Variants in MGST1 observed in about 807,000 individuals in gnomAD.
MGST1 encodes the protein microsomal glutathione S-transferase 1, also known as glutathione S-transferase 12.
Under a neutral mutation model 8.9 loss-of-function variants are expected in MGST1, and 5 were observed. That is an observed-to-expected ratio of 0.56 (90% confidence interval 0.29 to 1.19). The LOEUF is 1.19. Among genes scored for constraint, MGST1 ranks in the 50% most tolerant of loss-of-function variants. MGST1 has a pLI of 0.08. For missense variants in MGST1, 182 were observed against 187.4 expected (o/e 0.97, Z 0.17); for synonymous variants, 54 against 67.8 (o/e 0.80, Z 1.00).
intron 4 of MGST1, among the ~76,000 whole-genome samples, chr12:16,481,812 G>T (rs1941366132): frequency 6.6e-6 from 1 of 151,926 alleles, no homozygotes. Context: ...GAATACAGGG[G>T]GGTATGGGGG....
At chr12:16,481,167 ATTAATAATAACATCTCTGTCC>A (rs1941362110) in intron 4 of MGST1, among the ~76,000 whole-genome samples, 1 of 152,194 alleles carries the variant, frequency 6.6e-6, no homozygotes. Context: ...CTTACTGAGA[ATTAATAATAACATCTCTGTCC>A]TTAAATGTGT....
At chr12:16,498,777 C>T (rs1565465092) in intron 4 of MGST1, among the ~76,000 whole-genome samples, 1 of 152,168 alleles carries the variant, frequency 6.6e-6, no homozygotes, top group East Asian at 1.9e-4. Context: ...GTAGCTCATG[C>T]ACCAACTAAG....
At chr12:16,414,052 T>G (rs1188659898) in intron 1 of MGST1, among the ~76,000 whole-genome samples, 1 of 142,742 alleles carries the variant, frequency 7.0e-6, no homozygotes, top group Non-Finnish European at 1.6e-5. Context: ...TGGGACCATC[T>G]GGTTTTATAC....
At chr12:16,583,969 G>A (rs1016684194) in intron 4 of MGST1, among the ~76,000 whole-genome samples, 3 of 152,228 alleles carry the variant, frequency 2.0e-5, no homozygotes, top group Non-Finnish European at 1.5e-5. Flanking sequence ...GGACTACAGT[G>A]TGGAGTTTAA....
In MGST1 at chr12:16,359,402, T is replaced by C. The variant is rs4149196; in HGVS notation, c.221+1703T>C. On this transcript the variant is annotated intron_variant, in intron 3 of 3. Transcript: ENST00000396210. ...AATGTTTCTCTTCTAAGAAGAAGTC[T>C]GTGCAGATACTTAGCACAAAATTTC... Among the ~76,000 whole-genome samples the C allele has an allele frequency of 1.8e-3, 272 of 152,344 alleles. 1 individual carries two copies. The East Asian group carries it at 0.042, about 24-fold the overall frequency.
At chr12:16,439,666 G>A (rs147230631), downstream of MGST1, among the ~76,000 whole-genome samples, 26 of 151,752 alleles carry the variant, frequency 1.7e-4, no homozygotes, top group Non-Finnish European at 2.8e-4. Context: ...TAACTTATGT[G>A]TTTTAAAGAA....
intron 4 of MGST1, among the ~76,000 whole-genome samples, chr12:16,498,818 A>T (rs1941486625): frequency 6.6e-6 from 1 of 152,156 alleles, no homozygotes; most frequent in Non-Finnish European, 1.5e-5. Context: ...ATCTCTAAAA[A>T]CTGCCCATCT....
intron 4 of MGST1, among the ~76,000 whole-genome samples, chr12:16,447,664 CT>C (rs1941090813): frequency 6.6e-6 from 1 of 151,910 alleles, no homozygotes. Context: ...ATTCTATACA[CT>C]TTCCCAGCAG....
chr12:16,562,458 A>AT (rs891118448), intron 4 of MGST1, among the ~76,000 whole-genome samples: 4 of 152,226 alleles, frequency 2.6e-5, no homozygotes, highest in South Asian at 2.1e-4. Flanking sequence ...CCATTTTGAA[A>AT]TTCTGGACGT....
chr12:16,411,775 G>A (rs1940744865), intron 1 of MGST1, among the ~76,000 whole-genome samples: 1 of 152,258 alleles, frequency 6.6e-6, no homozygotes, highest in Admixed American at 6.5e-5. Context: ...TATTAGAATT[G>A]TATTCTTTTT....
At chr12:16,420,698 G>A (rs887876746) in intron 1 of MGST1, among the ~76,000 whole-genome samples, 2 of 152,122 alleles carry the variant, frequency 1.3e-5, no homozygotes, top group African/African-American at 4.8e-5. Context: ...ATTGGATATG[G>A]GGAGCTGTCT....
downstream of MGST1, among the ~76,000 whole-genome samples, chr12:16,589,987 C>T (rs1340309127): frequency 2.0e-5 from 3 of 152,174 alleles, no homozygotes; most frequent in East Asian, 3.9e-4. The surrounding 1 kb of genome is among the most constrained non-coding windows in gnomAD (Gnocchi z 4.2). Context: ...AAAGCCCACC[C>T]ATTCATCCTG....
intron 4 of MGST1, among the ~76,000 whole-genome samples, chr12:16,564,218 G>A (rs1942508292): frequency 6.6e-6 from 1 of 152,076 alleles, no homozygotes; most frequent in African/African-American, 2.4e-5. Context: ...TAAGAACACG[G>A]CCTACCTGTA....
At chr12:16,464,294 C>A (rs1338753606) in intron 4 of MGST1, among the ~76,000 whole-genome samples, 1 of 152,132 alleles carries the variant, frequency 6.6e-6, no homozygotes, top group Non-Finnish European at 1.5e-5. Context: ...TGCAGACAGG[C>A]AAAACTTCCA....
chr12:16,354,185 G>T (rs1016808073), intron 1 of MGST1, 46 bp from the exon 2 acceptor site: 2 of 1,341,956 alleles, frequency 1.5e-6, no homozygotes, highest in East Asian at 2.4e-5. Context: ...CAGTTATTTT[G>T]GGTATTTATG....
Position 16,389,775 on chromosome 12 carries a change from C to CT in MGST1, n.778+6173dup, listed in dbSNP as rs1385076170. Among the ~76,000 whole-genome samples the CT allele has an allele frequency of 1.3e-5, 2 of 151,906 alleles. No homozygotes were observed. Among genetic ancestry groups the CT allele is most frequent in the African/African-American group, 2.4e-5 (1 of 41,324 alleles). ...AATATTGGAGTTTTCATAGTAAGAG[C>CT]TTGCAGAGGTGGCTGGGAGTGAGGC... On this transcript the variant is annotated intron_variant and non_coding_transcript_variant, in intron 1 of 1. Transcript: ENST00000359720. This position sits in a 1 kb window ranked among gnomAD's most constrained non-coding sequence, Gnocchi z 4.6.
At position 16,476,000 on chromosome 12, in the gene MGST1, T is replaced by A. The variant is rs187907539; in HGVS notation, n.482+92396T>A. Among the ~76,000 whole-genome samples the A allele has an allele frequency of 3.5e-4, 53 of 151,538 alleles. 1 individual carries two copies. The South Asian group carries it at 8.1e-3, about 23-fold the overall frequency. On this transcript the variant is annotated intron_variant and non_coding_transcript_variant, in intron 4 of 4. Transcript: ENST00000538857. Reference sequence around the variant, plus strand: ...CATGATCTTGACTAGAAAGAGGAAGTAGATTAGCTTCCTCAGTTTCCATTT... The same window carrying A: ...CATGATCTTGACTAGAAAGAGGAAGAAGATTAGCTTCCTCAGTTTCCATTT...
chr12:16,569,073 C>T (rs1044423565), intron 4 of MGST1, among the ~76,000 whole-genome samples: 1 of 152,112 alleles, frequency 6.6e-6, no homozygotes, highest in Non-Finnish European at 1.5e-5. Flanking sequence ...AGTGTTAATT[C>T]CTTTCTAAAC....
chr12:16,472,261 C>A (rs1419701935), intron 4 of MGST1, among the ~76,000 whole-genome samples: 1 of 151,970 alleles, frequency 6.6e-6, no homozygotes, highest in African/African-American at 2.4e-5. Context: ...TCCTTCACAA[C>A]CAGAAAAAAA....
Sources: allele counts gnomAD v4.1 joint callset (sites outside exome capture counted in the v4.1 genomes callset), GRCh38; gene constraint gnomAD v4.1.1; non-coding constraint Gnocchi (gnomAD v3.1); transcripts MANE v1.5; gene names NCBI Gene and HGNC (gene_info 2026-07-23, HGNC 2026-07-21).